Variants in TMEM132D observed in about 807,000 individuals in gnomAD.
TMEM132D encodes transmembrane protein 132D, also known as mature OL transmembrane protein.
Under a neutral mutation model 62.3 loss-of-function variants are expected in TMEM132D, and 21 were observed. The ratio of observed to expected loss-of-function variants is 0.34; its 90% CI spans 0.24 to 0.49. TMEM132D has a LOEUF of 0.49. TMEM132D is among the 20% of genes least tolerant of loss of function. The pLI is 0.99. For missense variants in TMEM132D, 1,346 were observed against 1,402.8 expected, an observed-to-expected ratio of 0.96 and a Z score of 0.65; for synonymous variants, 621 against 575.6, an observed-to-expected ratio of 1.08 and a Z score of -1.13.
chr12:129,400,676 C>A (rs1263409661), intron 3 of TMEM132D, among the ~76,000 whole-genome samples: 1 of 152,154 alleles, frequency 6.6e-6, no homozygotes, highest in African/African-American at 2.4e-5. Context: ...TTACTCAACA[C>A]CACCATTTTC....
intron 1 of TMEM132D, among the ~76,000 whole-genome samples, chr12:129,883,828 C>A (rs146630395): frequency 6.6e-6 from 1 of 152,272 alleles, no homozygotes; most frequent in African/African-American, 2.4e-5. Flanking sequence ...GCCAGAGCAA[C>A]TGGATACTCA....
rs537387931 is a variant in TMEM132D at position 129,637,155 on chromosome 12, A to G, written c.968+62655T>C. On this transcript the variant is annotated intron_variant, in intron 2 of 8. Transcript: ENST00000422113. Reference sequence around the variant, plus strand: ...ACTGCTTTTTTCTTAAAGAGATTTAACTATAATAGCCTTTTTGAAAATGTC... The same window carrying G: ...ACTGCTTTTTTCTTAAAGAGATTTAGCTATAATAGCCTTTTTGAAAATGTC... Among the ~76,000 whole-genome samples, 9 of 152,324 alleles carry G rather than the reference A, an allele frequency of 5.9e-5. No individual in the cohort carries two copies. The South Asian group carries it at 1.9e-3, about 32-fold the overall frequency.
At chr12:129,490,423 CTTTTTTTTTTTTTTTT>C (rs11311745) in intron 3 of TMEM132D, among the ~76,000 whole-genome samples, 2 of 58,552 alleles carry the variant, frequency 3.4e-5, no homozygotes, top group African/African-American at 1.5e-4. Flanking sequence ...ATTTCCTTTC[CTTTTTTTTTTTTTTTT>C]TTTTTTTTTG....
intron 2 of TMEM132D, among the ~76,000 whole-genome samples, chr12:129,570,163 T>G (rs1387079587): frequency 6.6e-6 from 1 of 152,202 alleles, no homozygotes; most frequent in Non-Finnish European, 1.5e-5. Flanking sequence ...TGGCTTGAAG[T>G]AACAGAAGAC....
At chr12:129,733,898 G>T (rs149680225) in intron 1 of TMEM132D, among the ~76,000 whole-genome samples, 7 of 152,318 alleles carry the variant, frequency 4.6e-5, no homozygotes, top group African/African-American at 1.7e-4. Context: ...CACGGATGCA[G>T]ACAAGCTGGT....
At chr12:129,558,975 T>A (rs1333722970) in intron 2 of TMEM132D, among the ~76,000 whole-genome samples, 1 of 152,218 alleles carries the variant, frequency 6.6e-6, no homozygotes, top group African/African-American at 2.4e-5. Flanking sequence ...TATGAACACA[T>A]TCTCCTCCTA....
At chr12:129,357,289 GAGAAAGAA>G (rs548438915) in intron 3 of TMEM132D, among the ~76,000 whole-genome samples, 1 of 146,922 alleles carries the variant, frequency 6.8e-6, no homozygotes, top group Non-Finnish European at 1.5e-5. Flanking sequence ...AGGGAGGAAG[GAGAAAGAA>G]AGAAAGAAGG....
chr12:129,521,560 C>T (rs576965208), intron 3 of TMEM132D: 16 of 152,286 alleles, frequency 1.1e-4, no homozygotes, highest in African/African-American at 3.4e-4. Context: ...CCAGGTACTT[C>T]GTAACTTAGT....
At chr12:129,295,454 G>C (rs2135622825) in intron 4 of TMEM132D, among the ~76,000 whole-genome samples, 1 of 128,178 alleles carries the variant, frequency 7.8e-6, no homozygotes, top group Non-Finnish European at 1.6e-5. Context: ...TTTTGAGACA[G>C]TATCTCGTCC....
At chr12:129,818,919 C>T (rs1872457835) in intron 1 of TMEM132D, among the ~76,000 whole-genome samples, 1 of 151,890 alleles carries the variant, frequency 6.6e-6, no homozygotes, top group African/African-American at 2.4e-5. Flanking sequence ...CCTGTAGCCC[C>T]AGCTACTCAG....
intron 4 of TMEM132D, among the ~76,000 whole-genome samples, chr12:129,272,408 CT>C (rs1303295659): frequency 6.6e-6 from 1 of 151,838 alleles, no homozygotes; most frequent in Non-Finnish European, 1.5e-5. Context: ...GATGAAGTCA[CT>C]GGAAACATGT....
chr12:129,635,537 C>T (rs1344036200), intron 2 of TMEM132D, among the ~76,000 whole-genome samples: 2 of 152,212 alleles, frequency 1.3e-5, no homozygotes, highest in African/African-American at 2.4e-5. Context: ...CACCAGCAGA[C>T]ACCTGTTCCC....
intron 4 of TMEM132D, among the ~76,000 whole-genome samples, chr12:129,215,107 C>T (rs926456154): frequency 2.0e-5 from 3 of 152,174 alleles, no homozygotes; most frequent in African/African-American, 4.8e-5. Flanking sequence ...GATACATATA[C>T]ACCATGGAAT....
rs71082733 is a variant in TMEM132D at position 129,530,990 on chromosome 12, G to GAAAAAAAAA, written c.1115+60_1115+68dup. 2.9e-4 allele frequency: 372 copies of GAAAAAAAAA among 1,268,254 alleles called. 2 individuals carry two copies. The African/African-American group carries it at 4.6e-3, about 16-fold the overall frequency. The allele number at this position is 1,268,254 out of a possible 1,614,324, so 78.6% of individuals were successfully genotyped here. ...GTGGAAATGGTTGTTAGCAATCTAG[G>GAAAAAAAAA]AAAAAAAAAAAAAAATCAGGCCACA... On this transcript the variant is annotated intron_variant, in intron 3 of 8. Transcript: ENST00000422113.
intron 5 of TMEM132D, among the ~76,000 whole-genome samples, chr12:129,102,739 T>G (rs1228223684): frequency 2.0e-5 from 3 of 152,242 alleles, no homozygotes; most frequent in Non-Finnish European, 4.4e-5. Context: ...AAGATCTTTT[T>G]CTTTTCTTTG....
In TMEM132D at chr12:129,823,992, C is replaced by T. The variant is rs139559123; in HGVS notation, c.79+79269G>A. Among the ~76,000 whole-genome samples the T allele has an allele frequency of 1.7e-4, 26 of 152,168 alleles. No individual in the cohort carries two copies. In the South Asian group the frequency reaches 1.9e-3, roughly 11 times the overall value. ...GTTGATGTAGGAAAGTGCTTCTCAT[C>T]GGTGAAGTCATCCCATCCTATGACA... On this transcript the variant is annotated intron_variant, in intron 1 of 8. Transcript: ENST00000422113.
intron 4 of TMEM132D, among the ~76,000 whole-genome samples, chr12:129,265,773 A>G (rs747572103): frequency 2.1e-4 from 32 of 151,676 alleles, no homozygotes; most frequent in African/African-American, 7.8e-4. Context: ...CTCTTCCTTC[A>G]CATGTCATGT....
At chr12:129,778,250 C>A (rs1035621417) in intron 1 of TMEM132D, among the ~76,000 whole-genome samples, 42 of 151,772 alleles carry the variant, frequency 2.8e-4, no homozygotes, top group African/African-American at 8.9e-4. Flanking sequence ...CCAGAAATTG[C>A]CCCCTTTAAA....
intron 3 of TMEM132D, among the ~76,000 whole-genome samples, chr12:129,350,458 A>G (rs1326371708): frequency 1.3e-5 from 2 of 152,206 alleles, no homozygotes; most frequent in African/African-American, 2.4e-5. Flanking sequence ...CCACAGGCCA[A>G]CGGAACACAA....
Sources: gnomAD v4.1 joint callset for allele counts (sites outside exome capture counted in the v4.1 genomes callset) on GRCh38, gnomAD v4.1.1 for gene constraint, MANE v1.5 for transcripts, NCBI Gene and HGNC (gene_info 2026-07-23, HGNC 2026-07-21) for gene names.